MED17: variants seen among roughly 807,000 people sequenced by gnomAD.
The protein encoded by MED17 is mediator of RNA polymerase II transcription subunit 17.
In MED17, 49 loss-of-function variants were observed where a neutral mutation model predicts 80.8. The ratio of observed to expected loss-of-function variants is 0.61; its 90% confidence interval spans 0.48 to 0.77. MED17 has a LOEUF of 0.77. MED17 is among the 30% of genes least tolerant of loss of function. The probability of loss-of-function intolerance (pLI) is 0.00; values close to 1 mark genes in which losing one functional copy is unlikely to be tolerated. For synonymous variants in MED17, 281 were observed against 280.4 expected, an observed-to-expected ratio of 1.00 and a Z score of -0.02; for missense variants, 718 against 787.0, an observed-to-expected ratio of 0.91 and a Z score of 1.05.
rs145162957 is a variant in MED17 at position 93,803,840 on chromosome 11, G to A, written c.1466+1868G>A. Among the ~76,000 whole-genome samples, 586 of 151,986 alleles carry A rather than the reference G, an allele frequency of 3.9e-3. 2 individuals carry two copies. The highest frequency in any genetic ancestry group is 6.4e-3 in the Non-Finnish European group (437 of 67,986). On this transcript the variant is annotated intron_variant, in intron 9 of 11. Transcript: ENST00000251871. ...TCCACAAAGAAAGATTAGTGATGAT[G>A]TAGCCTTGACAGAATCAGGAGTGAA... is the stretch of plus-strand genomic sequence containing the variant.
At chr11:93,795,130 G>T in intron 6 of MED17, 70 bp downstream of exon 6, 1 of 1,524,338 alleles carries the variant, frequency 6.6e-7, no homozygotes, top group Non-Finnish European at 9.1e-7. Context: ...AGAGAAGGTA[G>T]CTCTTAGGGT....
At chr11:93,795,113 C>G (rs1388273250) in intron 6 of MED17, 53 bp downstream of exon 6, 1 of 1,588,810 alleles carries the variant, frequency 6.3e-7, no homozygotes, top group Non-Finnish European at 8.6e-7. Context: ...TTTTGGGGGA[C>G]TAGGACAGAG....
chr11:93,794,646 C>T (rs926003019), intron 5 of MED17: 7 of 531,704 alleles, frequency 1.3e-5, no homozygotes, highest in Non-Finnish European at 2.3e-5. Context: ...TGATACTTCC[C>T]TCTACAGGAA....
At chr11:93,790,921 A>G (rs1193543056) in intron 3 of MED17, 128 bp downstream of exon 3, 8 of 810,610 alleles carry the variant, frequency 9.9e-6, no homozygotes, top group Non-Finnish European at 1.4e-5. Context: ...AGCCCAGGCA[A>G]CATGGCAAAA....
intron 2 of MED17, chr11:93,789,141 A>G (rs1014120415): frequency 6.6e-6 from 1 of 152,246 alleles, no homozygotes; most frequent in African/African-American, 2.4e-5. Flanking sequence ...GTCATGGAGA[A>G]GAAGTAATGA....
At position 93,790,744 on chromosome 11, in the gene MED17, T is replaced by A; in HGVS notation, c.588T>A (p.Leu196=). The part of the protein sequence containing the change: ...ELLRLRQHWK[L]RKVGDKILGD... ...TGCGATTACGGCAACACTGGAAACT[T>A]CGAAAAGTTGGAGATAAAATTCTCG... is the stretch of plus-strand genomic sequence containing the variant. The change falls in exon 3 of 12, where the codon CTT becomes CTA. Residue 196 remains leucine, a synonymous_variant. Coordinates refer to ENST00000251871, the MANE Select transcript of MED17 (RefSeq NM_004268.5). The A allele has an allele frequency of 6.2e-7, 1 of 1,614,168 alleles. No homozygotes were observed. Among genetic ancestry groups the A allele is most frequent in the Non-Finnish European group, 8.5e-7 (1 of 1,180,024 alleles).
Position 93,788,021 on chromosome 11 carries a change from TC to T in MED17, c.274del (p.Leu92PhefsTer7), listed in dbSNP as rs1943787728. 1 of 1,613,908 alleles carries T rather than the reference TC, an allele frequency of 6.2e-7. No individual in the cohort carries two copies. Among genetic ancestry groups the T allele is most frequent in the Non-Finnish European group, 8.5e-7 (1 of 1,179,978 alleles). On this transcript the variant is annotated frameshift_variant, in exon 2 of 12. Coordinates refer to ENST00000251871, the MANE Select transcript of MED17 (RefSeq NM_004268.5). LOFTEE classifies it high-confidence loss of function. ...TTTAGGAGTGGTAAAATTTCAGCCT[TC>T]CCTTTGGCCTTGGGACTCAGTGAGG... Reference protein sequence around the residue: ...DEEGVVKFQPSLWPWDSVRNN... With the variant: ...DEEGVVKFQPXLWPWDSVRNN...
At chr11:93,811,785 G>A in intron 11 of MED17, 68 bp from the exon 12 acceptor site, 1 of 1,354,512 alleles carries the variant, frequency 7.4e-7, no homozygotes, top group Non-Finnish European at 1.1e-6. Context: ...ATGGAGTTGT[G>A]GGATTTATCC....
At chr11:93,791,309 G>A (rs533911050) in intron 3 of MED17, among the ~76,000 whole-genome samples, 1 of 152,164 alleles carries the variant, frequency 6.6e-6, no homozygotes, top group Non-Finnish European at 1.5e-5. Context: ...AAAGTTCAAA[G>A]ATGGGGTTTA....
At chr11:93,801,648 C>T in intron 8 of MED17, 187 bp from the exon 9 acceptor site, 1 of 580,574 alleles carries the variant, frequency 1.7e-6, no homozygotes. Context: ...AGCTGAGAAC[C>T]TACACATTCA....
intron 3 of MED17, among the ~76,000 whole-genome samples, chr11:93,792,595 G>A (rs1943849293): frequency 6.6e-6 from 1 of 151,902 alleles, no homozygotes; most frequent in Non-Finnish European, 1.5e-5. Context: ...TAATTCAATG[G>A]CCCAGAACAA....
At position 93,784,312 on chromosome 11, in the gene MED17, G is replaced by T. The variant is rs1565286613; in HGVS notation, c.-202G>T. 3 of 672,948 alleles carry T rather than the reference G, an allele frequency of 4.5e-6. No individual in the cohort carries two copies. The highest frequency in any genetic ancestry group is 4.3e-5 in the South Asian group (2 of 46,862). The allele number at this position is 672,948 out of a possible 1,614,324, so 41.7% of individuals were successfully genotyped here. A position where few individuals can be genotyped will look rare whatever the true frequency, so the allele number is the denominator to read the frequency against. On this transcript the variant is annotated 5_prime_UTR_variant, in exon 1 of 12. Coordinates refer to ENST00000251871, the MANE Select transcript of MED17 (RefSeq NM_004268.5). ...TGCTCCGAAAGACTTACCGAGGAGG[G>T]AGCTTGCGGTGCGTTCTGGGAAAGT...
intron 9 of MED17, among the ~76,000 whole-genome samples, chr11:93,802,780 A>C (rs1054234724): frequency 6.6e-6 from 1 of 152,158 alleles, no homozygotes; most frequent in African/African-American, 2.4e-5. Flanking sequence ...AACTGGGTTG[A>C]TAACTGTGTG....
At chr11:93,800,503 C>T (rs1044096063) in intron 8 of MED17, among the ~76,000 whole-genome samples, 5 of 151,890 alleles carry the variant, frequency 3.3e-5, no homozygotes, top group African/African-American at 1.2e-4. Flanking sequence ...GTGGCACACG[C>T]CTGTAGTCCC....
At chr11:93,805,117 G>A (rs1347499339) in intron 9 of MED17, among the ~76,000 whole-genome samples, 1 of 152,162 alleles carries the variant, frequency 6.6e-6, no homozygotes, top group Admixed American at 6.5e-5. Context: ...ACATTATTTT[G>A]TTAGCACATA....
intron 3 of MED17, 163 bp from the exon 4 acceptor site, chr11:93,793,565 T>A: frequency 1.7e-6 from 1 of 598,604 alleles, no homozygotes; most frequent in East Asian, 2.9e-5. Flanking sequence ...CTTTCTTTCC[T>A]TTGTTCACCA....
chr11:93,788,334 A>AT (rs1157660009), intron 2 of MED17, 167 bp downstream of exon 2: 7 of 603,556 alleles, frequency 1.2e-5, no homozygotes, highest in African/African-American at 3.7e-5. Flanking sequence ...CATTTCCTTT[A>AT]TTTTTTTATT....
At chr11:93,793,131 T>TTTTTTTTTTTTTTTTTTTTTG (rs1943857969) in intron 3 of MED17, 1 of 140,860 alleles carries the variant, frequency 7.1e-6, no homozygotes, top group Admixed American at 7.5e-5. Context: ...TTTTTTTTTT[T>TTTTTTTTTTTTTTTTTTTTTG]TTTTGAGACA....
intron 5 of MED17, 113 bp downstream of exon 5, chr11:93,794,148 C>T (rs935461068): frequency 6.3e-5 from 51 of 810,134 alleles, no homozygotes; most frequent in Non-Finnish European, 1.0e-4. Context: ...AAGAACAATT[C>T]AAAATATACT....
Sources: allele counts gnomAD v4.1 joint callset (sites outside exome capture counted in the v4.1 genomes callset), GRCh38; gene constraint gnomAD v4.1.1; transcripts MANE v1.5; gene names NCBI Gene and HGNC (gene_info 2026-07-23, HGNC 2026-07-21).